Variants in RP1L1 observed in about 807,000 individuals in gnomAD.
The protein encoded by RP1L1 is RP1 like 1.
A neutral mutation model predicts 15.7 loss-of-function variants in RP1L1; 27 were observed. The observed-to-expected ratio is 1.72, with a 90% CI of 1.27 to 2.38. The LOEUF is 2.38. Among genes scored for constraint, RP1L1 ranks in the 30% most tolerant of loss-of-function variants. The probability of loss-of-function intolerance (pLI) is 0.00; values close to 1 mark genes in which losing one functional copy is unlikely to be tolerated. For missense variants in RP1L1, 4,798 were observed against 3,075.9 expected (o/e 1.56, Z -13.24); for synonymous variants, 1,813 against 1,276.7 (o/e 1.42, Z -8.96).
chr8:10,613,182 C>T lies in RP1L1; in HGVS notation c.916G>A (p.Gly306Ser). 6.2e-7 allele frequency: 1 copy of T among 1,613,660 alleles called. No homozygotes were observed. Among genetic ancestry groups the T allele is most frequent in the South Asian group, 1.1e-5 (1 of 91,086 alleles). ...TPAQSGPLVA[G>S]DDMKKKVRMN... ...CGGACCTTCTTCTTCATGTCATCGC[C>T]AGCCACCAGCGGGCCCGACTGAGCT... Residue 306 changes from glycine (G) to serine (S), a missense_variant, in exon 4 of 4, where the codon GGC becomes AGC. Gly to Ser is a moderately conservative substitution (Grantham distance 56). Coordinates refer to ENST00000382483, the MANE Select transcript of RP1L1 (RefSeq NM_178857.6).
intron 1 of RP1L1, among the ~76,000 whole-genome samples, chr8:10,650,546 C>T (rs1798543593): frequency 1.3e-5 from 2 of 150,670 alleles, no homozygotes; most frequent in Non-Finnish European, 1.5e-5. Context: ...AGCAAGACTC[C>T]GTAGTTCTTT....
chr8:10,643,647 A>G (rs556035701), intron 1 of RP1L1, among the ~76,000 whole-genome samples: 1 of 152,246 alleles, frequency 6.6e-6, no homozygotes, highest in East Asian at 1.9e-4. Flanking sequence ...GTCTGGGAAA[A>G]GCTGGAATGT....
At chr8:10,636,004 C>T (rs1488998187) in intron 1 of RP1L1, among the ~76,000 whole-genome samples, 2 of 152,236 alleles carry the variant, frequency 1.3e-5, no homozygotes, top group Non-Finnish European at 2.9e-5. Context: ...GCGAGTCTGG[C>T]TCTCTGCCAC....
intron 2 of RP1L1, among the ~76,000 whole-genome samples, chr8:10,619,772 C>CA (rs146499096): frequency 0.19 from 28,877 of 151,118 alleles, 3,153 homozygotes; most frequent in East Asian, 0.43. Flanking sequence ...ACTAAAAATA[C>CA]AAAAAAAACC....
At chr8:10,634,613 A>C (rs941400061) in intron 1 of RP1L1, among the ~76,000 whole-genome samples, 2 of 152,180 alleles carry the variant, frequency 1.3e-5, no homozygotes, top group Admixed American at 1.3e-4. Context: ...GGAACTGCAG[A>C]AGGCTCTAGG....
rs200130856 is a variant in RP1L1 at position 10,608,960 on chromosome 8, G to A, written c.5138C>T (p.Thr1713Ile). 1 of 1,613,716 alleles carries A rather than the reference G, an allele frequency of 6.2e-7. No individual in the cohort carries two copies. The highest frequency in any genetic ancestry group is 1.7e-5 in the Admixed American group (1 of 60,006). Reference sequence around the variant, plus strand: ...CCTAGTGCTCGTGGGGTCCGTGTGGGTCTTGCCAGGGGCCACCTCTGCTGC... The same window carrying A: ...CCTAGTGCTCGTGGGGTCCGTGTGGATCTTGCCAGGGGCCACCTCTGCTGC... ...GEAAEVAPGK[T>I]HTDPTSTRTV... is the part of the protein sequence containing the mutation. Residue 1713 changes from threonine to isoleucine, a missense_variant, in exon 4 of 4, where the codon ACC becomes ATC. By Grantham distance (89) the Thr-to-Ile change is moderately conservative. Transcript: ENST00000382483.
At chr8:10,650,738 T>C (rs1798547292) in intron 1 of RP1L1, among the ~76,000 whole-genome samples, 1 of 152,016 alleles carries the variant, frequency 6.6e-6, no homozygotes, top group Non-Finnish European at 1.5e-5. Context: ...ATTTTTTTTT[T>C]GTATTTTTAG....
chr8:10,648,342 GT>G (rs535975805), intron 1 of RP1L1, among the ~76,000 whole-genome samples: 1 of 151,926 alleles, frequency 6.6e-6, no homozygotes, highest in Admixed American at 6.6e-5. Context: ...AATTTTCTGG[GT>G]TTTTTTGTTT....
Position 10,609,586 on chromosome 8 carries a change from A to T in RP1L1, c.4512T>A (p.Ser1504=). The T allele has an allele frequency of 1.2e-6, 2 of 1,604,452 alleles. No individual in the cohort carries two copies. Among genetic ancestry groups the T allele is most frequent in the Non-Finnish European group, 1.7e-6 (2 of 1,178,042 alleles). ...QPTQGAAERS[S]SVACSAALDC... is the part of the protein sequence containing the mutation. Reference sequence around the variant, plus strand: ...CCAGAGCCGCGCTGCAGGCCACCGAAGAGCTCCTCTCTGCAGCCCCCTGGG... The same window carrying T: ...CCAGAGCCGCGCTGCAGGCCACCGATGAGCTCCTCTCTGCAGCCCCCTGGG... The change falls in exon 4 of 4, where the codon TCT becomes TCA. Residue 1504 remains serine (S), a synonymous_variant. Transcript: ENST00000382483.
intron 3 of RP1L1, among the ~76,000 whole-genome samples, chr8:10,616,177 G>A (rs1323218343): frequency 6.6e-6 from 1 of 152,114 alleles, no homozygotes; most frequent in Admixed American, 6.5e-5. Context: ...CCAAACGGCT[G>A]GAATTACAGA....
At position 10,610,567 on chromosome 8, in the gene RP1L1, C is replaced by T; in HGVS notation, c.3531G>A (p.Trp1177Ter). 6.2e-7 allele frequency: 1 copy of T among 1,613,672 alleles called. No homozygotes were observed. The highest frequency in any genetic ancestry group is 1.1e-5 in the South Asian group (1 of 91,068). ...QLDSGLWELT[W>*]SQALPDLGSH... ...ACCCAAGGTCTGGCAGAGCCTGGCT[C>T]CATGTGAGCTCCCAGAGGCCTGAGT... is the stretch of plus-strand genomic sequence containing the variant. The change falls in exon 4 of 4, where the codon TGG (tryptophan) becomes TGA (stop). Residue 1177 changes from tryptophan to a stop codon, truncating the protein, a stop_gained. Coordinates refer to ENST00000382483, the MANE Select transcript of RP1L1 (RefSeq NM_178857.6). LOFTEE classifies it low-confidence loss of function (END_TRUNC).
At chr8:10,644,043 G>C (rs1396754160) in intron 1 of RP1L1, among the ~76,000 whole-genome samples, 1 of 152,004 alleles carries the variant, frequency 6.6e-6, no homozygotes, top group Non-Finnish European at 1.5e-5. Context: ...CCCGGGAGTG[G>C]TTTGGGAGGT....
intron 1 of RP1L1, among the ~76,000 whole-genome samples, chr8:10,632,098 A>G (rs565005913): frequency 1.4e-4 from 22 of 152,276 alleles, no homozygotes; most frequent in African/African-American, 5.3e-4. Context: ...AAAGAGCACA[A>G]AGATGGGGCA....
chr8:10,613,311 G>C lies in RP1L1; in HGVS notation c.787C>G (p.His263Asp), dbSNP rs1488083099. 1 of 1,601,936 alleles carries C rather than the reference G, an allele frequency of 6.2e-7. No individual in the cohort carries two copies. The highest frequency in any genetic ancestry group is 1.3e-5 in the African/African-American group (1 of 75,070). Reference sequence around the variant, plus strand: ...GTGCTGCCTGGCGGAGACCGCGAATGGATCACACTCGGCTTGGTCTTTGGC... The same window carrying C: ...GTGCTGCCTGGCGGAGACCGCGAATCGATCACACTCGGCTTGGTCTTTGGC... Reference protein sequence around the residue: ...WGPKTKPSVIHSRSPPGSTPR... With the variant: ...WGPKTKPSVIDSRSPPGSTPR... The change falls in exon 4 of 4, where the codon CAT becomes GAT. Residue 263 changes from histidine to aspartate, a missense_variant. By Grantham distance (81) the His-to-Asp change is moderately conservative (BLOSUM62 -1). Coordinates refer to ENST00000382483, the MANE Select transcript of RP1L1 (RefSeq NM_178857.6).
At position 10,607,325 on chromosome 8, in the gene RP1L1, C is replaced by G; in HGVS notation, c.6773G>C (p.Gly2258Ala). The G allele has an allele frequency of 1.2e-6, 2 of 1,614,194 alleles. No homozygotes were observed. The highest frequency in any genetic ancestry group is 1.7e-6 in the Non-Finnish European group (2 of 1,180,030). Reference protein sequence around the residue: ...EKKGSPQVSLGDGQSEEASES... With the variant: ...EKKGSPQVSLADGQSEEASES... Reference sequence around the variant, plus strand: ...AGAAGCCTCCTCAGATTGGCCATCTCCTAGACTGACCTGAGGGCTCCCCTT... The same window carrying G: ...AGAAGCCTCCTCAGATTGGCCATCTGCTAGACTGACCTGAGGGCTCCCCTT... The change falls in exon 4 of 4, where the codon GGA becomes GCA. Residue 2258 changes from glycine (G) to alanine (A), a missense_variant. By Grantham distance (60) the Gly-to-Ala change is moderately conservative (BLOSUM62 0). Transcript: ENST00000382483.
intron 1 of RP1L1, among the ~76,000 whole-genome samples, chr8:10,648,281 C>T (rs186482259): frequency 6.6e-6 from 1 of 152,198 alleles, no homozygotes; most frequent in East Asian, 1.9e-4. Context: ...ATCCACCTGC[C>T]TCGGCCCCCC....
Position 10,606,858 on chromosome 8 carries a change from C to G in RP1L1, c.*37G>C. ...AGAAAAAATATGAATAAAAACAGAG[C>G]TCCCAAGCTCGTGATTGTTTTCTAG... On this transcript the variant is annotated 3_prime_UTR_variant, in exon 4 of 4. Coordinates refer to ENST00000382483, the MANE Select transcript of RP1L1 (RefSeq NM_178857.6). 1 of 1,613,126 alleles carries G rather than the reference C, an allele frequency of 6.2e-7. No homozygotes were observed. The highest frequency in any genetic ancestry group is 8.5e-7 in the Non-Finnish European group (1 of 1,180,012).
chr8:10,614,704 G>A (rs1312229467), intron 3 of RP1L1, among the ~76,000 whole-genome samples: 2 of 142,354 alleles, frequency 1.4e-5, no homozygotes, highest in Admixed American at 7.1e-5. Flanking sequence ...AAGGAGGGAA[G>A]GAAGGAAGGA....
chr8:10,609,074 G>T lies in RP1L1; in HGVS notation c.5024C>A (p.Thr1675Lys), dbSNP rs985260624. ...GATGGGACCTCTGGTTGCCCCCATT[G>T]TGGCCTTGGGGGACATAGGGCTCAC... ...KKVSPMSPKA[T>K]MGATRGPIKE... The change falls in exon 4 of 4, where the codon ACA becomes AAA. Residue 1675 changes from threonine to lysine, a missense_variant. Thr to Lys is a moderately conservative substitution (Grantham distance 78, BLOSUM62 -1). Coordinates refer to ENST00000382483, the MANE Select transcript of RP1L1 (RefSeq NM_178857.6). The T allele has an allele frequency of 6.2e-7, 1 of 1,613,692 alleles. No homozygotes were observed.
Sources: gnomAD v4.1 joint callset for allele counts (sites outside exome capture counted in the v4.1 genomes callset) on GRCh38, gnomAD v4.1.1 for gene constraint, MANE v1.5 for transcripts, NCBI Gene and HGNC (gene_info 2026-07-23, HGNC 2026-07-21) for gene names.